Variants in MYBPC2 observed in about 807,000 individuals in gnomAD.
MYBPC2 encodes the protein myosin binding protein C2, also known as myosin-binding protein C, fast-type.
A neutral mutation model predicts 137.0 loss-of-function variants in MYBPC2; 122 were observed. The observed-to-expected ratio is 0.89, with a 90% CI of 0.77 to 1.03. The LOEUF (loss-of-function observed/expected upper bound fraction) is 1.03. Among genes scored for constraint, MYBPC2 ranks in the 50% least tolerant of loss-of-function variants. MYBPC2 has a pLI of 0.00. For synonymous variants in MYBPC2, 626 were observed against 612.3 expected, an observed-to-expected ratio of 1.02 and a Z score of -0.33; for missense variants, 1,500 against 1,534.4, an observed-to-expected ratio of 0.98 and a Z score of 0.37.
At chr19:50,451,008 C>G in intron 14 of MYBPC2, 73 bp downstream of exon 14, 1 of 1,379,270 alleles carries the variant, frequency 7.3e-7, no homozygotes, top group Non-Finnish European at 1.0e-6. Flanking sequence ...CGGGATGTCC[C>G]TCTCCAGGAT....
chr19:50,436,137 G>A lies in MYBPC2; in HGVS notation c.322G>A (p.Glu108Lys), dbSNP rs1270908165. The change falls in exon 4 of 28, where the codon GAG becomes AAG. Residue 108 changes from glutamate (E) to lysine (K), a missense_variant. Physicochemically the swap from Glu to Lys is moderately conservative, Grantham distance 56. Coordinates refer to ENST00000357701, the MANE Select transcript of MYBPC2 (RefSeq NM_004533.4). ...SKSGARFSFKESHNSASNVYT... is the reference protein window; with the variant it reads ...SKSGARFSFKKSHNSASNVYT... ...GAGTGGCGCCCGCTTCTCCTTCAAG[G>A]AGTCCCACAACTCCGCCAGCAATGT... The A allele has an allele frequency of 1.3e-6, 2 of 1,582,598 alleles. No homozygotes were observed. Among genetic ancestry groups the A allele is most frequent in the East Asian group, 4.6e-5 (2 of 43,134 alleles).
intron 12 of MYBPC2, 86 bp from the exon 13 acceptor site, chr19:50,448,139 C>A (rs1043200174): frequency 2.7e-5 from 40 of 1,468,206 alleles, no homozygotes; most frequent in Non-Finnish European, 3.0e-5. Flanking sequence ...GTGCCTAGAC[C>A]AGCGCCTGGC....
rs1430076432 is a variant in MYBPC2 at position 50,465,111 on chromosome 19, GA to G, written c.3415+580del. On this transcript the variant is annotated intron_variant, in intron 27 of 27. Coordinates refer to ENST00000357701, the MANE Select transcript of MYBPC2 (RefSeq NM_004533.4). The surrounding 1 kb of genome is among the most constrained non-coding windows in gnomAD (Gnocchi z 4.5). ...CTTTCACCCTTGGACTCTGGCCCCA[GA>G]GAGCTCTCTCTATCCAGAGCTGCTC... is the stretch of plus-strand genomic sequence containing the variant. 3.3e-5 allele frequency among the ~76,000 whole-genome samples: 5 copies of G among 151,930 alleles called. No homozygotes were observed. The highest frequency in any genetic ancestry group is 1.2e-4 in the African/African-American group (5 of 41,360).
intron 12 of MYBPC2, among the ~76,000 whole-genome samples, chr19:50,447,723 G>C (rs2039818490): frequency 1.3e-5 from 2 of 152,090 alleles, no homozygotes; most frequent in African/African-American, 4.8e-5. Flanking sequence ...CAGGCGTGGT[G>C]GTGCATGCTA....
At position 50,460,092 on chromosome 19, in the gene MYBPC2, C is replaced by T. The variant is rs551249568; in HGVS notation, c.2844C>T (p.Asn948=). The T allele has an allele frequency of 1.8e-5, 29 of 1,574,970 alleles. No individual in the cohort carries two copies. The highest frequency in any genetic ancestry group is 1.3e-4 in the Admixed American group (7 of 53,174). ...NVMVKEVWGT[N]ALVEWQAPKD... is the part of the protein sequence containing the mutation. ...TGGTGAAGGAGGTGTGGGGCACGAA[C>T]GCGCTGGTGGAGTGGCAGGCCCCCA... is the stretch of plus-strand genomic sequence containing the variant. The change falls in exon 24 of 28, where the codon AAC becomes AAT. Residue 948 remains asparagine (N), a synonymous_variant. Transcript: ENST00000357701.
chr19:50,457,169 C>T (rs1431117444), intron 20 of MYBPC2, among the ~76,000 whole-genome samples: 2 of 152,118 alleles, frequency 1.3e-5, no homozygotes, highest in Non-Finnish European at 2.9e-5. Context: ...ACGATGTACT[C>T]GAGAATGCAT....
chr19:50,437,448 C>G, intron 5 of MYBPC2, 25 bp from the exon 6 acceptor site: 1 of 1,605,770 alleles, frequency 6.2e-7, no homozygotes, highest in Non-Finnish European at 8.5e-7. Context: ...AACTCACCTT[C>G]CCTTCTCTCA....
chr19:50,461,437 A>G, intron 24 of MYBPC2, 105 bp from the exon 25 acceptor site: 1 of 1,229,856 alleles, frequency 8.1e-7, no homozygotes, highest in South Asian at 1.5e-5. Flanking sequence ...CATTTTTTTA[A>G]ACACTGGATG....
rs1357075439 is a variant in MYBPC2, at chr19:50,455,137, T to C, written c.2044T>C (p.Ser682Pro). 2.5e-6 allele frequency: 4 copies of C among 1,613,428 alleles called. No individual in the cohort carries two copies. Among genetic ancestry groups the C allele is most frequent in the Admixed American group, 3.3e-5 (2 of 59,974 alleles). Residue 682 changes from serine to proline, a missense_variant, in exon 19 of 28, where the codon TCT (serine) becomes CCT (proline). Transcript: ENST00000357701. ...GYLVERKKKG[S>P]QRWMKLNFEV... Reference sequence around the variant, plus strand: ...CCTCGTAGAGCGGAAGAAGAAGGGCTCTCAGCGCTGGATGAAGCTGAACTT... The same window carrying C: ...CCTCGTAGAGCGGAAGAAGAAGGGCCCTCAGCGCTGGATGAAGCTGAACTT...
rs1282575921 is a variant in MYBPC2, at chr19:50,465,836, ACT to A, written c.3416-356_3416-355del. Among the ~76,000 whole-genome samples, 2 of 151,952 alleles carry A rather than the reference ACT, an allele frequency of 1.3e-5. No homozygotes were observed. The highest frequency in any genetic ancestry group is 2.4e-5 in the African/African-American group (1 of 41,350). On this transcript the variant is annotated intron_variant, in intron 27 of 27. Transcript: ENST00000357701. The surrounding 1 kb of genome is among the most constrained non-coding windows in gnomAD (Gnocchi z 4.5). Reference sequence around the variant, plus strand: ...CTCCAGCCTGGTGCAACAGAGTGAGACTCTGTCTCAAAAACCAAACAAAAACA... The same window carrying A: ...CTCCAGCCTGGTGCAACAGAGTGAGACTGTCTCAAAAACCAAACAAAAACA...
chr19:50,458,854 C>T (rs1018474457), intron 21 of MYBPC2, 64 bp from the exon 22 acceptor site: 226 of 1,594,550 alleles, frequency 1.4e-4, no homozygotes, highest in Non-Finnish European at 1.9e-4. Context: ...AGCCTTATCA[C>T]CATTGGCCCC....
At chr19:50,440,022 A>C (rs2039736565) in intron 7 of MYBPC2, among the ~76,000 whole-genome samples, 1 of 152,148 alleles carries the variant, frequency 6.6e-6, no homozygotes, top group South Asian at 2.1e-4. Flanking sequence ...AGTGTTCAGC[A>C]AAAGTCAAGC....
At chr19:50,440,323 A>AAAT (rs1555796267) in intron 7 of MYBPC2, among the ~76,000 whole-genome samples, 8 of 139,040 alleles carry the variant, frequency 5.8e-5, no homozygotes, top group South Asian at 2.4e-4. Flanking sequence ...CTGTGGAAAT[A>AAAT]AAATAAATAA....
In MYBPC2 at chr19:50,456,001, CATCT is replaced by C. The variant is rs2039907172; in HGVS notation, c.2338+358_2338+361del. On this transcript the variant is annotated intron_variant, in intron 20 of 27. Coordinates refer to ENST00000357701, the MANE Select transcript of MYBPC2 (RefSeq NM_004533.4). The stretch of plus-strand genomic sequence containing the variant: ...CCATCTTAACATCCACCCATCCATC[CATCT>C]GTCCATCCATCTGTCCACCCATCTG... Among the ~76,000 whole-genome samples the C allele has an allele frequency of 8.5e-5, 13 of 152,190 alleles. No homozygotes were observed. In the South Asian group the frequency reaches 2.5e-3, roughly 29 times the overall value.
At chr19:50,457,388 G>A (rs1405976131) in intron 20 of MYBPC2, among the ~76,000 whole-genome samples, 5 of 152,180 alleles carry the variant, frequency 3.3e-5, no homozygotes, top group Admixed American at 6.5e-5. Context: ...GGCATGTAAC[G>A]AAAAGCAGGC....
chr19:50,448,474 A>ATTT, intron 13 of MYBPC2, 84 bp downstream of exon 13: 2 of 1,187,150 alleles, frequency 1.7e-6, no homozygotes, highest in Non-Finnish European at 2.3e-6. Flanking sequence ...TCCCCCATTT[A>ATTT]TTTTTTTTTT....
In MYBPC2 at chr19:50,446,048, G is replaced by A. The variant is rs541964941; in HGVS notation, c.1302G>A (p.Val434=). 17 of 1,612,438 alleles carry A rather than the reference G, an allele frequency of 1.1e-5. No individual in the cohort carries two copies. The South Asian group carries it at 1.5e-4, about 15-fold the overall frequency. Residue 434 remains valine (V), a synonymous_variant, in exon 12 of 28, where the codon GTG becomes GTA. Transcript: ENST00000357701. ...GCCAGTGTGAGGCCGAGCTGATTGT[G>A]GAAGGTATGGGGCCTCCAGGTAGGG... ...NGGQCEAELI[V]EEKQLEVLQD...
intron 20 of MYBPC2, 75 bp from the exon 21 acceptor site, chr19:50,458,512 C>T: frequency 1.3e-6 from 2 of 1,549,354 alleles, no homozygotes; most frequent in Non-Finnish European, 1.7e-6. Context: ...TGCGTGGGGC[C>T]CAAGTCCCCG....
chr19:50,450,053 A>G (rs1359993209), intron 13 of MYBPC2, among the ~76,000 whole-genome samples: 1 of 152,036 alleles, frequency 6.6e-6, no homozygotes, highest in East Asian at 1.9e-4. Flanking sequence ...GCTACTCGGG[A>G]GGCTGGGGTG....
Sources: allele counts gnomAD v4.1 joint callset (sites outside exome capture counted in the v4.1 genomes callset), GRCh38; gene constraint gnomAD v4.1.1; non-coding constraint Gnocchi (gnomAD v3.1); transcripts MANE v1.5; gene names NCBI Gene and HGNC (gene_info 2026-07-23, HGNC 2026-07-21).